GRM5: variants seen among roughly 807,000 people sequenced by gnomAD.
GRM5 encodes glutamate metabotropic receptor 5, also known as metabotropic glutamate receptor 5.
A neutral mutation model predicts 83.1 loss-of-function variants in GRM5; 19 were observed. That is an observed-to-expected ratio of 0.23 (90% CI 0.16 to 0.34). The LOEUF (loss-of-function observed/expected upper bound fraction) is 0.34. Among genes scored for constraint, GRM5 ranks in the 10% least tolerant of loss-of-function variants. GRM5 has a pLI of 1.00. For missense variants in GRM5, 1,160 were observed against 1,588.3 expected (o/e 0.73, Z 4.58); for synonymous variants, 675 against 633.6 (o/e 1.07, Z -0.98).
At chr11:88,859,543 C>T (rs989230907) in intron 2 of GRM5, among the ~76,000 whole-genome samples, 2 of 152,014 alleles carry the variant, frequency 1.3e-5, no homozygotes, top group African/African-American at 4.8e-5. Context: ...CTATTATTTC[C>T]CACATTTCTA....
At chr11:88,522,588 G>T (rs61903513) in intron 9 of GRM5, among the ~76,000 whole-genome samples, 18,779 of 134,248 alleles carry the variant, frequency 0.14, 1,441 homozygotes, top group Non-Finnish European at 0.17. Context: ...TCTCTCTCTC[G>T]CTCTCTCTCT....
chr11:88,820,204 C>T (rs1028861502), intron 3 of GRM5, among the ~76,000 whole-genome samples: 1 of 149,890 alleles, frequency 6.7e-6, no homozygotes, highest in Non-Finnish European at 1.5e-5. Context: ...CACAGTGAAA[C>T]CCCATCTCTA....
intron 3 of GRM5, among the ~76,000 whole-genome samples, chr11:88,697,911 G>C (rs1414347673): frequency 6.6e-6 from 1 of 152,132 alleles, no homozygotes; most frequent in South Asian, 2.1e-4. Flanking sequence ...AGTCATACTG[G>C]ACATCTTCTT....
intron 5 of GRM5, among the ~76,000 whole-genome samples, chr11:88,602,408 AACAGTCTGCAAGTG>A (rs1938024838): frequency 6.6e-6 from 1 of 152,174 alleles, no homozygotes; most frequent in South Asian, 2.1e-4. Context: ...AAAACGTGCT[AACAGTCTGCAAGTG>A]TGTGCCAGAG....
chr11:88,717,653 A>G (rs1250767316), intron 3 of GRM5, among the ~76,000 whole-genome samples: 1 of 151,818 alleles, frequency 6.6e-6, no homozygotes, highest in Non-Finnish European at 1.5e-5. Context: ...CTATGTAATT[A>G]TGTTTCTGAA....
At chr11:88,523,362 G>A (rs972998302) in intron 9 of GRM5, among the ~76,000 whole-genome samples, 3 of 152,190 alleles carry the variant, frequency 2.0e-5, no homozygotes, top group African/African-American at 7.2e-5. Flanking sequence ...ACTCTGGGAA[G>A]AGCCCTTGAG....
chr11:88,809,769 C>CG (rs1555019312), intron 3 of GRM5, among the ~76,000 whole-genome samples: 1 of 146,858 alleles, frequency 6.8e-6, no homozygotes, highest in African/African-American at 2.5e-5. Flanking sequence ...GTTAATATGT[C>CG]AAAAAAAAAA....
At chr11:88,726,784 C>CA (rs138293943) in intron 3 of GRM5, among the ~76,000 whole-genome samples, 97,495 of 151,908 alleles carry the variant, frequency 0.64, 33,372 homozygotes, top group South Asian at 0.84. Context: ...CATATCCAGC[C>CA]AACTAAACTT....
rs370676209 is a variant in GRM5 at position 88,547,988 on chromosome 11, A to G, written c.2630+19065T>C. On this transcript the variant is annotated intron_variant, in intron 8 of 9. Transcript: ENST00000305447. ...TTTGATCTACAAAATGCCTTGTGGG[A>G]GGTGGGGAAGGGAAGGAGTTGGGAC... Among the ~76,000 whole-genome samples the G allele has an allele frequency of 7.9e-5, 12 of 152,124 alleles. 1 individual carries two copies. Among genetic ancestry groups the G allele is most frequent in the African/African-American group, 2.9e-4 (12 of 41,436 alleles).
At chr11:88,976,937 A>C (rs990158092) in intron 2 of GRM5, among the ~76,000 whole-genome samples, 4 of 151,956 alleles carry the variant, frequency 2.6e-5, no homozygotes, top group African/African-American at 9.7e-5. Flanking sequence ...TTGGAAAGAG[A>C]AAAAATGAAT....
chr11:88,855,539 C>T (rs1263526495), intron 2 of GRM5, among the ~76,000 whole-genome samples: 1 of 151,768 alleles, frequency 6.6e-6, no homozygotes, highest in African/African-American at 2.4e-5. Flanking sequence ...ATTGTGGATC[C>T]TTCACCTTTA....
intron 3 of GRM5, among the ~76,000 whole-genome samples, chr11:88,741,224 G>T (rs535269197): frequency 1.3e-5 from 2 of 152,150 alleles, no homozygotes; most frequent in Non-Finnish European, 2.9e-5. Flanking sequence ...ATACCATGAA[G>T]ATAATCAGGC....
At chr11:88,773,449 A>G (rs1173809589) in intron 3 of GRM5, among the ~76,000 whole-genome samples, 7 of 152,050 alleles carry the variant, frequency 4.6e-5, no homozygotes, top group Non-Finnish European at 7.4e-5. Flanking sequence ...GAAGCTCTTT[A>G]GTTTAATTAG....
chr11:88,648,011 C>T (rs1404329781), intron 4 of GRM5, among the ~76,000 whole-genome samples: 1 of 151,308 alleles, frequency 6.6e-6, no homozygotes, highest in African/African-American at 2.4e-5. Context: ...ACAACAGGTG[C>T]TGGAGAGGAT....
chr11:88,930,424 C>T (rs1937665022), intron 2 of GRM5, among the ~76,000 whole-genome samples: 1 of 152,040 alleles, frequency 6.6e-6, no homozygotes, highest in Non-Finnish European at 1.5e-5. Context: ...CTAATAAATA[C>T]ATAAATAAGT....
intron 2 of GRM5, among the ~76,000 whole-genome samples, chr11:88,856,470 C>T: frequency 6.6e-6 from 1 of 152,060 alleles, no homozygotes; most frequent in Non-Finnish European, 1.5e-5. Flanking sequence ...CTGTCATCCC[C>T]TATGATAACA....
intron 3 of GRM5, among the ~76,000 whole-genome samples, chr11:88,663,831 G>A (rs192109240): frequency 6.6e-5 from 10 of 152,274 alleles, no homozygotes; most frequent in Non-Finnish European, 1.5e-4. Flanking sequence ...ACGGTGCTAA[G>A]TGCAATATTA....
intron 3 of GRM5, among the ~76,000 whole-genome samples, chr11:88,770,883 TG>T (rs1248854429): frequency 1.3e-5 from 2 of 152,124 alleles, no homozygotes; most frequent in Non-Finnish European, 2.9e-5. Context: ...AAGGGGCATT[TG>T]TCACTTAGCG....
chr11:88,780,081 T>C lies in GRM5; in HGVS notation c.911+69825A>G, dbSNP rs537180253. 4.6e-5 allele frequency among the ~76,000 whole-genome samples: 7 copies of C among 152,344 alleles called. No individual in the cohort carries two copies. In the East Asian group the frequency reaches 1.2e-3, roughly 25 times the overall value. On this transcript the variant is annotated intron_variant, in intron 3 of 9. Coordinates refer to ENST00000305447, the MANE Select transcript of GRM5 (RefSeq NM_001143831.3). ...TCAACTCTTCTGCAGAATCCCTTCC[T>C]GACCTGCACAGATGAGGGAGGTCTT... is the stretch of plus-strand genomic sequence containing the variant.
Sources: gnomAD v4.1 joint callset for allele counts (sites outside exome capture counted in the v4.1 genomes callset) on GRCh38, gnomAD v4.1.1 for gene constraint, MANE v1.5 for transcripts, NCBI Gene and HGNC (gene_info 2026-07-23, HGNC 2026-07-21) for gene names.